Variants in HPSE2 observed in about 807,000 individuals in gnomAD.
The protein encoded by HPSE2 is heparanase 2 (inactive), also known as inactive heparanase-2.
Under a neutral mutation model 60.5 loss-of-function variants are expected in HPSE2, and 38 were observed. The observed-to-expected ratio is 0.63, with a 90% CI of 0.48 to 0.82. The LOEUF (loss-of-function observed/expected upper bound fraction) is 0.82. HPSE2 is among the 40% of genes least tolerant of loss of function. HPSE2 has a pLI of 0.00. For synonymous variants in HPSE2, 295 were observed against 293.2 expected (o/e 1.01, Z -0.06); for missense variants, 713 against 740.4 (o/e 0.96, Z 0.43).
At chr10:98,512,549 C>T (rs1643801903) in intron 9 of HPSE2, among the ~76,000 whole-genome samples, 2 of 149,750 alleles carry the variant, frequency 1.3e-5, no homozygotes. Flanking sequence ...CGCACCACTG[C>T]ACTCCAGCCT....
rs185726711 is a variant in HPSE2 at position 98,908,257 on chromosome 10, C to T, written c.611-164201G>A. On this transcript the variant is annotated intron_variant, in intron 3 of 11. Transcript: ENST00000370552. The stretch of plus-strand genomic sequence containing the variant: ...AAATAACAAAGAACCACTCAAGTCA[C>T]TCTCACACAGAGCTGGTGCCACATT... Among the ~76,000 whole-genome samples, 5 of 152,332 alleles carry T rather than the reference C, an allele frequency of 3.3e-5. No individual in the cohort carries two copies. The East Asian group carries it at 9.6e-4, about 29-fold the overall frequency.
intron 3 of HPSE2, among the ~76,000 whole-genome samples, chr10:98,960,731 T>A (rs1564692798): frequency 8.9e-4 from 19 of 21,240 alleles, no homozygotes; most frequent in South Asian, 2.0e-3. Context: ...GTTTTATTTT[T>A]TTTATTTTAT....
intron 7 of HPSE2, among the ~76,000 whole-genome samples, chr10:98,634,130 G>C (rs1241614311): frequency 6.6e-6 from 1 of 152,180 alleles, no homozygotes; most frequent in Non-Finnish European, 1.5e-5. Flanking sequence ...GTTAGCAGCA[G>C]ATAAGTTTCT....
intron 9 of HPSE2, among the ~76,000 whole-genome samples, chr10:98,607,371 T>A (rs1489592336): frequency 6.6e-6 from 1 of 152,204 alleles, no homozygotes; most frequent in Non-Finnish European, 1.5e-5. Context: ...TATAAATGGC[T>A]GATGGCAGAG....
At chr10:98,638,261 C>T (rs996099460) in intron 7 of HPSE2, among the ~76,000 whole-genome samples, 1 of 150,094 alleles carries the variant, frequency 6.7e-6, no homozygotes, top group African/African-American at 2.5e-5. Context: ...CTGGCTAACA[C>T]GGTGAAACCC....
chr10:99,060,740 T>A (rs1268869143), intron 3 of HPSE2, among the ~76,000 whole-genome samples: 1 of 143,216 alleles, frequency 7.0e-6, no homozygotes, highest in Non-Finnish European at 1.5e-5. Flanking sequence ...ATGTGGTACA[T>A]ACATACAATA....
At chr10:99,180,125 G>A (rs1847700264) in intron 2 of HPSE2, among the ~76,000 whole-genome samples, 1 of 152,108 alleles carries the variant, frequency 6.6e-6, no homozygotes, top group Non-Finnish European at 1.5e-5. Flanking sequence ...ATGGATTAAA[G>A]ACTCAAATGT....
chr10:98,940,342 T>C (rs1303101116), intron 3 of HPSE2, among the ~76,000 whole-genome samples: 1 of 142,908 alleles, frequency 7.0e-6, no homozygotes, highest in Admixed American at 7.0e-5. Flanking sequence ...CTAGCAAGAC[T>C]AATAAAGAAG....
At chr10:98,843,353 T>C (rs1181412631) in intron 3 of HPSE2, among the ~76,000 whole-genome samples, 1 of 152,138 alleles carries the variant, frequency 6.6e-6, no homozygotes, top group Non-Finnish European at 1.5e-5. Context: ...TAAGTTAAAG[T>C]CTCAAACTTA....
At chr10:98,727,335 A>G (rs576215630) in intron 4 of HPSE2, among the ~76,000 whole-genome samples, 1 of 152,320 alleles carries the variant, frequency 6.6e-6, no homozygotes, top group East Asian at 1.9e-4. Context: ...CTTGGCAGTC[A>G]AAGACTTATA....
intron 3 of HPSE2, among the ~76,000 whole-genome samples, chr10:98,751,601 G>A (rs965411197): frequency 2.6e-5 from 4 of 152,164 alleles, no homozygotes; most frequent in African/African-American, 9.7e-5. Flanking sequence ...AAGGAAAAAT[G>A]GGTGCCTATA....
At chr10:99,098,511 T>G (rs1422443832) in intron 3 of HPSE2, among the ~76,000 whole-genome samples, 1 of 152,202 alleles carries the variant, frequency 6.6e-6, no homozygotes, top group Non-Finnish European at 1.5e-5. Context: ...CTCTTAGTAT[T>G]TCTTTGGTAT....
chr10:98,700,340 C>A (rs1354428624), intron 5 of HPSE2, among the ~76,000 whole-genome samples: 1 of 127,636 alleles, frequency 7.8e-6, no homozygotes, highest in Non-Finnish European at 1.8e-5. Context: ...AATAACGCCG[C>A]ATATCTACAA....
chr10:99,035,328 C>T (rs1197608178), intron 3 of HPSE2, among the ~76,000 whole-genome samples: 1 of 152,098 alleles, frequency 6.6e-6, no homozygotes, highest in East Asian at 1.9e-4. Context: ...TTACCTAGGC[C>T]TACACAGGAT....
chr10:99,053,334 T>C (rs1230109646), intron 3 of HPSE2, among the ~76,000 whole-genome samples: 1 of 151,630 alleles, frequency 6.6e-6, no homozygotes, highest in Non-Finnish European at 1.5e-5. Context: ...TGAAGACCCA[T>C]ATTGTAATCT....
At chr10:98,759,867 G>T (rs1949966323) in intron 3 of HPSE2, among the ~76,000 whole-genome samples, 2 of 152,036 alleles carry the variant, frequency 1.3e-5, no homozygotes, top group African/African-American at 4.8e-5. Context: ...CATTGAATCT[G>T]TAGATGGCTT....
At chr10:99,132,559 G>A (rs896313285) in intron 3 of HPSE2, among the ~76,000 whole-genome samples, 1 of 152,064 alleles carries the variant, frequency 6.6e-6, no homozygotes, top group African/African-American at 2.4e-5. Flanking sequence ...ATCGCATTGG[G>A]TCTGGTTGGA....
chr10:98,603,214 C>T (rs1484169921), intron 9 of HPSE2, among the ~76,000 whole-genome samples: 2 of 152,166 alleles, frequency 1.3e-5, no homozygotes, highest in Non-Finnish European at 2.9e-5. Context: ...CTGCAGCAGA[C>T]AACCTGAACT....
intron 3 of HPSE2, among the ~76,000 whole-genome samples, chr10:98,981,892 G>A (rs1203121765): frequency 1.3e-5 from 2 of 151,916 alleles, no homozygotes; most frequent in Non-Finnish European, 2.9e-5. Flanking sequence ...TGAGTTCCCT[G>A]TAACCCTAAT....
Sources: allele counts gnomAD v4.1 joint callset (sites outside exome capture counted in the v4.1 genomes callset), GRCh38; gene constraint gnomAD v4.1.1; transcripts MANE v1.5; gene names NCBI Gene and HGNC (gene_info 2026-07-23, HGNC 2026-07-21).